The following TMEM38B variants were observed in gnomAD, a reference collection of about 807,000 sequenced individuals.
TMEM38B encodes the protein trimeric intracellular cation channel type B.
Under a neutral mutation model 28.7 loss-of-function variants are expected in TMEM38B, and 24 were observed. The ratio of observed to expected loss-of-function variants is 0.84; its 90% confidence interval spans 0.61 to 1.18. The LOEUF (loss-of-function observed/expected upper bound fraction) is 1.18, where lower values mean the gene tolerates loss of function less well. Among genes scored for constraint, TMEM38B ranks in the 50% most tolerant of loss-of-function variants. The pLI is 0.00. For synonymous variants in TMEM38B, 131 were observed against 127.7 expected (o/e 1.03, Z -0.17); for missense variants, 380 against 350.9 (o/e 1.08, Z -0.66).
At chr9:105,728,734 G>T (rs888317867) in intron 4 of TMEM38B, among the ~76,000 whole-genome samples, 2 of 152,158 alleles carry the variant, frequency 1.3e-5, no homozygotes, top group Admixed American at 6.5e-5. Context: ...ATCCTCTCCA[G>T]CATCTGTTGT....
chr9:105,740,326 T>C (rs1170521802), intron 4 of TMEM38B, among the ~76,000 whole-genome samples: 4 of 149,644 alleles, frequency 2.7e-5, no homozygotes, highest in African/African-American at 9.9e-5. Flanking sequence ...AGTGAAGTGA[T>C]CTTGGCTCTC....
At chr9:105,741,549 G>A (rs1837205416) in intron 4 of TMEM38B, among the ~76,000 whole-genome samples, 1 of 152,176 alleles carries the variant, frequency 6.6e-6, no homozygotes, top group South Asian at 2.1e-4. Flanking sequence ...CATGATATTG[G>A]GAACTGGAGA....
chr9:105,731,785 A>T (rs1040556277), intron 4 of TMEM38B, among the ~76,000 whole-genome samples: 1 of 152,144 alleles, frequency 6.6e-6, no homozygotes, highest in Non-Finnish European at 1.5e-5. Context: ...ATGTGTCTTT[A>T]TAGCAGCATG....
intron 2 of TMEM38B, among the ~76,000 whole-genome samples, chr9:105,713,454 C>T (rs541678777): frequency 1.3e-5 from 2 of 152,326 alleles, no homozygotes; most frequent in Non-Finnish European, 2.9e-5. Context: ...CTGTCACAGC[C>T]TGGCTGGGTG....
chr9:105,738,151 TC>T (rs971681536), intron 4 of TMEM38B, among the ~76,000 whole-genome samples: 2 of 152,014 alleles, frequency 1.3e-5, no homozygotes, highest in African/African-American at 4.8e-5. Context: ...GTAGGATTCT[TC>T]CTTGGGGTGA....
At chr9:105,761,670 T>C (rs2133640133) in intron 5 of TMEM38B, among the ~76,000 whole-genome samples, 1 of 152,306 alleles carries the variant, frequency 6.6e-6, no homozygotes, top group South Asian at 2.1e-4. Context: ...GGAACAGGTC[T>C]CTAAGCTAGT....
In TMEM38B at chr9:105,763,502, G is replaced by A. The variant is rs540643529; in HGVS notation, c.661-10363G>A. On this transcript the variant is annotated intron_variant, in intron 5 of 5. Transcript: ENST00000374692. ...TCTAGAAGAAATGGATAAATTCCTC[G>A]ACACATACACTCTCCCAAGACTAAA... is the stretch of plus-strand genomic sequence containing the variant. Among the ~76,000 whole-genome samples the A allele has an allele frequency of 1.9e-4, 29 of 152,144 alleles. 1 individual carries two copies. In the South Asian group the frequency reaches 4.4e-3, roughly 23 times the overall value.
intron 5 of TMEM38B, among the ~76,000 whole-genome samples, chr9:105,769,240 A>G (rs2080210350): frequency 6.6e-6 from 1 of 152,256 alleles, no homozygotes. Context: ...TGGAACTCAT[A>G]CTTGAGAAAC....
chr9:105,710,838 C>G, intron 2 of TMEM38B: 2 of 377,032 alleles, frequency 5.3e-6, no homozygotes, highest in Non-Finnish European at 1.0e-5. Flanking sequence ...GTCCATGGCT[C>G]TGGCTGCCAA....
Position 105,709,380 on chromosome 9 carries a change from A to G in TMEM38B, c.269+3627A>G, listed in dbSNP as rs374405157. Among the ~76,000 whole-genome samples the G allele has an allele frequency of 5.3e-5, 8 of 152,308 alleles. No homozygotes were observed. In the East Asian group the frequency reaches 1.3e-3, roughly 26 times the overall value. On this transcript the variant is annotated intron_variant, in intron 2 of 5. Transcript: ENST00000374692. ...CAAACACGGGATAATTTTAAATGGC[A>G]TATAACCACACAATTACTTATCTTT...
chr9:105,722,617 T>C lies in TMEM38B; in HGVS notation c.538T>C (p.Ser180Pro). ...AGAAGGTGATGAATGGCTGAAGATG[T>C]CATAGTAAGTTGGTATAAATTATAC... ...KPEGDEWLKM[S>P]YPAKVTLLGS... is the part of the protein sequence containing the mutation. Residue 180 changes from serine (S) to proline (P), a missense_variant, in exon 4 of 6, where the codon TCA (serine) becomes CCA (proline). Transcript: ENST00000374692. The C allele has an allele frequency of 1.2e-6, 2 of 1,612,548 alleles. No homozygotes were observed. Among genetic ancestry groups the C allele is most frequent in the South Asian group, 1.1e-5 (1 of 91,042 alleles).
intron 1 of TMEM38B, among the ~76,000 whole-genome samples, chr9:105,699,442 G>T (rs1356811349): frequency 1.3e-5 from 2 of 151,958 alleles, no homozygotes; most frequent in African/African-American, 2.4e-5. Context: ...CTTTATTTTG[G>T]TATGCACTCT....
At chr9:105,711,276 A>G (rs1230566532) in intron 2 of TMEM38B, among the ~76,000 whole-genome samples, 3 of 151,686 alleles carry the variant, frequency 2.0e-5, no homozygotes, top group Admixed American at 6.6e-5. Context: ...CCCTGTCTCT[A>G]CTAAAATTAC....
chr9:105,735,262 T>C (rs1388037395), intron 4 of TMEM38B, among the ~76,000 whole-genome samples: 2 of 152,216 alleles, frequency 1.3e-5, no homozygotes, highest in Non-Finnish European at 2.9e-5. Flanking sequence ...CTTTGAATTA[T>C]AGATGTTGTT....
intron 2 of TMEM38B, chr9:105,710,511 G>C: frequency 8.0e-7 from 1 of 1,249,692 alleles, no homozygotes; most frequent in Non-Finnish European, 1.2e-6. Flanking sequence ...GGTGTCTTCC[G>C]ATCCCCCTGG....
chr9:105,713,934 A>T (rs925875021), intron 2 of TMEM38B, among the ~76,000 whole-genome samples: 1 of 111,994 alleles, frequency 8.9e-6, no homozygotes, highest in Admixed American at 9.0e-5. Flanking sequence ...ACCTCTGCTG[A>T]GAGCTGTAGA....
chr9:105,776,148 T>C lies in TMEM38B; in HGVS notation c.*2068T>C, dbSNP rs1421109467. The stretch of plus-strand genomic sequence containing the variant: ...GGCCTATAGGCCTGCCTCACACAGC[T>C]AATCAGAGGTGGCACTGAGAAAGTC... On this transcript the variant is annotated 3_prime_UTR_variant, in exon 6 of 6. Coordinates refer to ENST00000374692, the MANE Select transcript of TMEM38B (RefSeq NM_018112.3). The C allele has an allele frequency of 6.6e-6, 1 of 151,956 alleles. No homozygotes were observed. The highest frequency in any genetic ancestry group is 2.4e-5 in the African/African-American group (1 of 41,344). 9.4% of individuals were successfully genotyped at this position (151,956 alleles called of 1,614,324 possible).
At chr9:105,747,534 G>C (rs1397952908) in intron 4 of TMEM38B, among the ~76,000 whole-genome samples, 5 of 152,110 alleles carry the variant, frequency 3.3e-5, no homozygotes, top group African/African-American at 7.2e-5. Flanking sequence ...ACAGCTCCTG[G>C]ATTCATTGAT....
At chr9:105,719,983 A>G (rs542060791) in intron 2 of TMEM38B, among the ~76,000 whole-genome samples, 1 of 152,106 alleles carries the variant, frequency 6.6e-6, no homozygotes, top group Non-Finnish European at 1.5e-5. Context: ...AATTAGTTCT[A>G]TATTCAAAGA....
Sources: gnomAD v4.1 joint callset for allele counts (sites outside exome capture counted in the v4.1 genomes callset) on GRCh38, gnomAD v4.1.1 for gene constraint, MANE v1.5 for transcripts, NCBI Gene and HGNC (gene_info 2026-07-23, HGNC 2026-07-21) for gene names.